Variants in MTPN observed in about 807,000 individuals in gnomAD.
MTPN encodes myotrophin.
Under a neutral mutation model 13.5 loss-of-function variants are expected in MTPN, and 2 were observed. That is an observed-to-expected ratio of 0.15 (90% CI 0.06 to 0.47). The LOEUF is 0.47. Ranked by LOEUF, MTPN falls within the 20% of genes least tolerant of loss-of-function variation. The pLI is 0.97. For synonymous variants in MTPN, 46 were observed against 51.7 expected (o/e 0.89, Z 0.48); for missense variants, 79 against 137.9 (o/e 0.57, Z 2.14).
At chr7:135,932,672 C>A (rs1426712772) in intron 3 of MTPN, 4 of 151,276 alleles carry the variant, frequency 2.6e-5, no homozygotes, top group African/African-American at 7.3e-5. Flanking sequence ...ACAAAAGAAG[C>A]CTTAAGATAA....
At chr7:135,965,729 T>C (rs75110119) in intron 1 of MTPN, among the ~76,000 whole-genome samples, 2,454 of 152,194 alleles carry the variant, frequency 0.016, 32 homozygotes, top group African/African-American at 0.037. Flanking sequence ...GTGTGGGAAG[T>C]TGGACAAAGT....
intron 1 of MTPN, among the ~76,000 whole-genome samples, chr7:135,974,040 A>G (rs963815620): frequency 5.3e-5 from 8 of 152,174 alleles, no homozygotes; most frequent in African/African-American, 1.9e-4. Context: ...TTCTCTAAAT[A>G]ATCTAAATTT....
At chr7:135,962,681 T>C (rs1799543545) in intron 1 of MTPN, among the ~76,000 whole-genome samples, 1 of 152,012 alleles carries the variant, frequency 6.6e-6, no homozygotes, top group Non-Finnish European at 1.5e-5. Context: ...AGTTTCAGAT[T>C]TTCTCTTCAA....
Position 135,951,497 on chromosome 7 carries a change from T to C in MTPN, c.186+20A>G. ...TATTAACAGAAAATTTTTTCAAGAA[T>C]GATCACGTCCTCTACGTACATTAAT... On this transcript the variant is annotated intron_variant, in intron 2 of 3. Transcript: ENST00000393085. The C allele has an allele frequency of 6.5e-7, 1 of 1,538,708 alleles. No homozygotes were observed.
chr7:135,954,711 G>C (rs1211853556), intron 1 of MTPN, among the ~76,000 whole-genome samples: 1 of 152,218 alleles, frequency 6.6e-6, no homozygotes, highest in East Asian at 1.9e-4. Context: ...GGGAGGCCGA[G>C]GCGGGAGGAT....
chr7:135,974,817 G>A (rs1426193048), intron 1 of MTPN, among the ~76,000 whole-genome samples: 1 of 152,192 alleles, frequency 6.6e-6, no homozygotes, highest in African/African-American at 2.4e-5. Flanking sequence ...AAGCAGGGAA[G>A]ACAGCTGTGG....
chr7:135,934,812 A>G (rs1384415865), intron 3 of MTPN, among the ~76,000 whole-genome samples: 1 of 150,896 alleles, frequency 6.6e-6, no homozygotes, highest in Non-Finnish European at 1.5e-5. Context: ...TCCCACACCA[A>G]CTCCTTCTAC....
Position 135,950,680 on chromosome 7 carries a change from A to C in MTPN, c.189T>G (p.Ala63=). 2.5e-6 allele frequency: 4 copies of C among 1,601,624 alleles called. No homozygotes were observed. In the South Asian group the frequency reaches 4.4e-5, roughly 18 times the overall value. The part of the protein sequence containing the change: ...FLLLKGADIN[A]PDKHHITPLL... Reference sequence around the variant, plus strand: ...GAGGAGTAATATGATGTTTATCTGGAGCCTATGAAATAATAAACAGAGATA... The same window carrying C: ...GAGGAGTAATATGATGTTTATCTGGCGCCTATGAAATAATAAACAGAGATA... Residue 63 remains alanine, a splice_region_variant and synonymous_variant, in exon 3 of 4, where the codon GCT becomes GCG. Coordinates refer to ENST00000393085, the MANE Select transcript of MTPN (RefSeq NM_145808.4).
chr7:135,963,469 G>C (rs1584818226), intron 1 of MTPN, among the ~76,000 whole-genome samples: 1 of 151,886 alleles, frequency 6.6e-6, no homozygotes, highest in Non-Finnish European at 1.5e-5. Flanking sequence ...CCACTGAGGC[G>C]GCAAAGCAAA....
chr7:135,951,875 A>G (rs1799368412), intron 1 of MTPN, among the ~76,000 whole-genome samples: 1 of 152,220 alleles, frequency 6.6e-6, no homozygotes, highest in African/African-American at 2.4e-5. Context: ...GATAAATATA[A>G]CGAAATACAT....
chr7:135,937,025 A>G (rs1373035162), intron 3 of MTPN, among the ~76,000 whole-genome samples: 1 of 152,212 alleles, frequency 6.6e-6, no homozygotes, highest in Non-Finnish European at 1.5e-5. Context: ...CCCACATGAA[A>G]CAACAAGAAC....
Position 135,929,862 on chromosome 7 carries a change from A to G in MTPN, c.*64T>C. The stretch of plus-strand genomic sequence containing the variant: ...AGCTGGCAGATAGAGAGTGACAGAC[A>G]GACAGGCAGCAGTGTGAGGCCACAG... On this transcript the variant is annotated 3_prime_UTR_variant, in exon 4 of 4. Transcript: ENST00000393085. The G allele has an allele frequency of 6.8e-7, 1 of 1,471,292 alleles. No homozygotes were observed. Among genetic ancestry groups the G allele is most frequent in the Non-Finnish European group, 9.5e-7 (1 of 1,049,884 alleles). 91.1% of individuals were successfully genotyped at this position (1,471,292 alleles called of 1,614,324 possible). A position where few individuals can be genotyped will look rare whatever the true frequency, so the allele number is the denominator to read the frequency against.
At position 135,940,063 on chromosome 7, in the gene MTPN, T is replaced by A. The variant is rs146006880; in HGVS notation, c.271-10051A>T. On this transcript the variant is annotated intron_variant, in intron 3 of 3. Transcript: ENST00000393085. ...GTCAATTATTTTGAATCAATTTATA[T>A]GCATTTTAGAACAGTCTTGAGAAAC... Among the ~76,000 whole-genome samples, 29 of 152,338 alleles carry A rather than the reference T, an allele frequency of 1.9e-4. No homozygotes were observed. The East Asian group carries it at 5.6e-3, about 29-fold the overall frequency.
Position 135,930,081 on chromosome 7 carries a change from A to C in MTPN, c.271-69T>G. ...GGGGAAGGGAATGTAAGACTAGCTC[A>C]CATGGCACAGGTTAATGTTTACATC... is the stretch of plus-strand genomic sequence containing the variant. On this transcript the variant is annotated intron_variant, in intron 3 of 3. Transcript: ENST00000393085. 5.3e-6 allele frequency: 7 copies of C among 1,321,370 alleles called. No homozygotes were observed. The East Asian group carries it at 6.9e-5, about 13-fold the overall frequency. The allele number at this position is 1,321,370 out of a possible 1,614,324, so 81.9% of individuals were successfully genotyped here. A position where few individuals can be genotyped will look rare whatever the true frequency, so the allele number is the denominator to read the frequency against.
chr7:135,932,124 C>T (rs1230606095), intron 3 of MTPN: 1 of 152,098 alleles, frequency 6.6e-6, no homozygotes, highest in East Asian at 1.9e-4. Flanking sequence ...TCCCAGGGTC[C>T]TCTATAGTCC....
rs1799793264 is a variant in MTPN, at chr7:135,977,229, T to C, written c.-129A>G. The stretch of plus-strand genomic sequence containing the variant: ...GGAGAGGAGAAGAAGAGAAGGAGGG[T>C]TAGGCTGCCAGGCGGGCGAGGCAGT... On this transcript the variant is annotated 5_prime_UTR_variant, in exon 1 of 4. Transcript: ENST00000393085. The C allele has an allele frequency of 1.1e-6, 1 of 923,148 alleles. No homozygotes were observed. Among genetic ancestry groups the C allele is most frequent in the Non-Finnish European group, 1.7e-6 (1 of 581,606 alleles). The allele number at this position is 923,148 out of a possible 1,614,324, so 57.2% of individuals were successfully genotyped here. A position where few individuals can be genotyped will look rare whatever the true frequency, so the allele number is the denominator to read the frequency against.
chr7:135,956,619 C>T (rs1799447504), intron 1 of MTPN, among the ~76,000 whole-genome samples: 1 of 152,188 alleles, frequency 6.6e-6, no homozygotes, highest in Non-Finnish European at 1.5e-5. Flanking sequence ...TTCTATCACA[C>T]CTTCTTGGAA....
At chr7:135,950,536 C>T (rs1226483056) in intron 3 of MTPN, 63 bp downstream of exon 3, 1 of 1,267,596 alleles carries the variant, frequency 7.9e-7, no homozygotes, top group African/African-American at 1.5e-5. Context: ...AATAAATTAA[C>T]AATCAAATAC....
intron 1 of MTPN, among the ~76,000 whole-genome samples, chr7:135,962,933 T>C (rs1799548001): frequency 6.6e-6 from 1 of 152,096 alleles, no homozygotes. Context: ...CTGTAAGATA[T>C]GTACGCATTG....
Sources: gnomAD v4.1 joint callset for allele counts (sites outside exome capture counted in the v4.1 genomes callset) on GRCh38, gnomAD v4.1.1 for gene constraint, MANE v1.5 for transcripts, NCBI Gene and HGNC (gene_info 2026-07-23, HGNC 2026-07-21) for gene names.